The following SMYD3 variants were observed in gnomAD, a reference collection of about 807,000 sequenced individuals.
SMYD3 encodes the protein histone-lysine N-methyltransferase SMYD3.
In SMYD3, 36 loss-of-function variants were observed where a neutral mutation model predicts 57.7. The ratio of observed to expected loss-of-function variants is 0.62; its 90% confidence interval spans 0.48 to 0.82. The LOEUF is 0.82. SMYD3 is among the 40% of genes least tolerant of loss of function. SMYD3 has a pLI of 0.00. For synonymous variants in SMYD3, 211 were observed against 195.0 expected, an observed-to-expected ratio of 1.08 and a Z score of -0.68; for missense variants, 515 against 538.8, an observed-to-expected ratio of 0.96 and a Z score of 0.44.
At chr1:245,885,477 G>C (rs4233243) in intron 8 of SMYD3, among the ~76,000 whole-genome samples, 151,963 of 152,326 alleles carry the variant, frequency 1, 75,803 homozygotes, top group Middle Eastern at 1. Flanking sequence ...GAAAAGATGT[G>C]ATTTGGGGAC....
chr1:246,483,470 AT>A (rs1471294527), intron 1 of SMYD3: 1 of 152,242 alleles, frequency 6.6e-6, no homozygotes, highest in Non-Finnish European at 1.5e-5. Flanking sequence ...TTCCCCTTAA[AT>A]ACACAACATT....
chr1:245,780,067 T>C (rs1040244364), intron 10 of SMYD3, among the ~76,000 whole-genome samples: 2 of 152,212 alleles, frequency 1.3e-5, no homozygotes, highest in African/African-American at 4.8e-5. Context: ...CCTCATACCC[T>C]GCTGGTGGGA....
intron 10 of SMYD3, among the ~76,000 whole-genome samples, chr1:245,818,856 T>C (rs1334602276): frequency 1.3e-5 from 2 of 149,706 alleles, no homozygotes; most frequent in African/African-American, 2.5e-5. Flanking sequence ...ATCCTAAATA[T>C]ATATGCATCC....
At chr1:245,976,882 G>T (rs1397565429) in intron 5 of SMYD3, among the ~76,000 whole-genome samples, 1 of 54,824 alleles carries the variant, frequency 1.8e-5, no homozygotes, top group African/African-American at 5.4e-5. Flanking sequence ...ATCGTCTCCG[G>T]CCCAGGGAAA....
rs73139829 is a variant in SMYD3, at chr1:246,088,950, G to A, written c.532-159013C>T. Among the ~76,000 whole-genome samples, 1,468 of 152,148 alleles carry A rather than the reference G, an allele frequency of 9.6e-3. 19 individuals are homozygous for A. Among genetic ancestry groups the A allele is most frequent in the African/African-American group, 0.033 (1,373 of 41,506 alleles). ...AGAGGCTTTGAATTCATTGATTATTGTGTAGGTAATTACTTGACCTTATAT... is the reference window on the plus strand; with the variant it reads ...AGAGGCTTTGAATTCATTGATTATTATGTAGGTAATTACTTGACCTTATAT... On this transcript the variant is annotated intron_variant, in intron 5 of 11. Transcript: ENST00000490107.
At chr1:245,928,137 C>A in intron 6 of SMYD3, 104 bp from the exon 7 acceptor site, 1 of 831,170 alleles carries the variant, frequency 1.2e-6, no homozygotes, top group Non-Finnish European at 1.9e-6. Flanking sequence ...GGGGCAGCAG[C>A]AGGTAGGGTT....
At chr1:246,123,794 T>C (rs2061462728) in intron 5 of SMYD3, among the ~76,000 whole-genome samples, 2 of 151,168 alleles carry the variant, frequency 1.3e-5, no homozygotes. Flanking sequence ...GGATGCATAC[T>C]GTCCATTTTT....
At position 246,304,776 on chromosome 1, in the gene SMYD3, C is replaced by T. The variant is rs146909529; in HGVS notation, c.531+22425G>A. The stretch of plus-strand genomic sequence containing the variant: ...TAATGTTCTGTCAATGCCTCTGCTG[C>T]TTTCTGAGCCATAGGCTACAAATTA... On this transcript the variant is annotated intron_variant, in intron 5 of 11. Coordinates refer to ENST00000490107, the MANE Select transcript of SMYD3 (RefSeq NM_001167740.2). Among the ~76,000 whole-genome samples, 1,043 of 152,290 alleles carry T rather than the reference C, an allele frequency of 6.8e-3. 13 individuals are homozygous for T. Among genetic ancestry groups the T allele is most frequent in the African/African-American group, 0.024 (979 of 41,556 alleles).
At chr1:246,001,084 G>A (rs1214765808) in intron 5 of SMYD3, among the ~76,000 whole-genome samples, 11 of 152,092 alleles carry the variant, frequency 7.2e-5, no homozygotes, top group Non-Finnish European at 1.3e-4. Context: ...CTGCGCCCCC[G>A]ACGAGGAGGG....
intron 5 of SMYD3, among the ~76,000 whole-genome samples, chr1:245,965,141 T>C (rs907862804): frequency 6.6e-6 from 1 of 152,230 alleles, no homozygotes; most frequent in South Asian, 2.1e-4. Context: ...TTTCTTATTC[T>C]TAATTGATCA....
intron 5 of SMYD3, among the ~76,000 whole-genome samples, chr1:246,119,765 C>T (rs1026644497): frequency 1.3e-5 from 2 of 152,246 alleles, no homozygotes; most frequent in African/African-American, 2.4e-5. Flanking sequence ...GTTCTAAGCC[C>T]TGCTGCCTCG....
At chr1:246,375,831 G>T (rs1392333427) in intron 1 of SMYD3, among the ~76,000 whole-genome samples, 1 of 152,146 alleles carries the variant, frequency 6.6e-6, no homozygotes, top group Non-Finnish European at 1.5e-5. Flanking sequence ...CTGGGTTGAA[G>T]CAACAATCCT....
intron 5 of SMYD3, among the ~76,000 whole-genome samples, chr1:246,092,349 C>T (rs1172950755): frequency 6.6e-6 from 1 of 152,164 alleles, no homozygotes; most frequent in Non-Finnish European, 1.5e-5. Flanking sequence ...AGAAATAAAC[C>T]TATTTCCATT....
At chr1:246,385,971 C>T (rs1370577001) in intron 1 of SMYD3, among the ~76,000 whole-genome samples, 1 of 152,088 alleles carries the variant, frequency 6.6e-6, no homozygotes, top group African/African-American at 2.4e-5. Context: ...TCACTGCAAG[C>T]TCCACCTCTT....
chr1:246,192,628 G>A (rs1044940056), intron 5 of SMYD3, among the ~76,000 whole-genome samples: 3 of 152,006 alleles, frequency 2.0e-5, no homozygotes, highest in South Asian at 4.2e-4. Context: ...CCAAAATTAC[G>A]GTACCTATCA....
At chr1:246,178,544 A>G (rs966663595) in intron 5 of SMYD3, among the ~76,000 whole-genome samples, 2 of 152,170 alleles carry the variant, frequency 1.3e-5, no homozygotes, top group African/African-American at 2.4e-5. Flanking sequence ...TGCTCGATCA[A>G]TATTTACTGA....
At chr1:246,090,080 G>A (rs933389206) in intron 5 of SMYD3, among the ~76,000 whole-genome samples, 3 of 151,952 alleles carry the variant, frequency 2.0e-5, no homozygotes, top group Non-Finnish European at 4.4e-5. Flanking sequence ...CTTTCTATTA[G>A]TGGATATGGA....
At chr1:246,051,291 TTA>T (rs1478795061) in intron 5 of SMYD3, among the ~76,000 whole-genome samples, 4 of 152,002 alleles carry the variant, frequency 2.6e-5, no homozygotes, top group Non-Finnish European at 4.4e-5. Flanking sequence ...CAGCTAATTT[TTA>T]TATGTTTTGC....
intron 5 of SMYD3, among the ~76,000 whole-genome samples, chr1:245,995,051 C>T (rs1289229450): frequency 1.3e-5 from 2 of 152,072 alleles, no homozygotes; most frequent in Non-Finnish European, 2.9e-5. Context: ...CGAGATTGCG[C>T]CACTGCACTC....
Sources: allele counts gnomAD v4.1 joint callset (sites outside exome capture counted in the v4.1 genomes callset), GRCh38; gene constraint gnomAD v4.1.1; transcripts MANE v1.5; gene names NCBI Gene and HGNC (gene_info 2026-07-23, HGNC 2026-07-21).